SGO1: variants seen among roughly 807,000 people sequenced by gnomAD.
SGO1 encodes serologically defined breast cancer antigen NY-BR-85.
A neutral mutation model predicts 50.5 loss-of-function variants in SGO1; 39 were observed. That is an observed-to-expected ratio of 0.77 (90% CI 0.60 to 1.01). SGO1 has a LOEUF of 1.01. Among genes scored for constraint, SGO1 ranks in the 50% least tolerant of loss-of-function variants. The pLI, the probability that SGO1 is intolerant of heterozygous loss-of-function variation, is 0.00. For missense variants in SGO1, 638 were observed against 606.0 expected (o/e 1.05, Z -0.55); for synonymous variants, 191 against 205.1 (o/e 0.93, Z 0.59).
intron 3 of SGO1, among the ~76,000 whole-genome samples, chr3:20,180,966 C>G (rs1559371576): frequency 2.6e-5 from 4 of 152,064 alleles, no homozygotes; most frequent in South Asian, 4.1e-4. Context: ...GTCTCTACCC[C>G]CAACAAAAAA....
intron 6 of SGO1, among the ~76,000 whole-genome samples, chr3:20,173,351 G>A (rs1409021152): frequency 1.3e-5 from 2 of 152,002 alleles, no homozygotes; most frequent in Admixed American, 1.3e-4. Context: ...TGTTGGCCAG[G>A]CTGGTCTTGG....
intron 8 of SGO1, chr3:20,161,299 G>A: frequency 7.9e-6 from 11 of 1,389,138 alleles, no homozygotes; most frequent in East Asian, 2.8e-5. Flanking sequence ...TATTCAGAAG[G>A]AAAAATAAGT....
In SGO1 at chr3:20,170,089, C is replaced by A. The variant is rs1700557195; in HGVS notation, c.*615G>T. 1.0e-6 allele frequency: 1 copy of A among 985,280 alleles called. No individual in the cohort carries two copies. The highest frequency in any genetic ancestry group is 4.7e-5 in the South Asian group (1 of 21,292). 61.0% of individuals were successfully genotyped at this position (985,280 alleles called of 1,614,324 possible). On this transcript the variant is annotated 3_prime_UTR_variant, in exon 8 of 8. Coordinates refer to ENST00000412997, the MANE Select transcript of SGO1 (RefSeq NM_001199251.3). ...AGATCTTATTTGAGTAATCATTATT[C>A]ATTTCTACAATGTTTGTATAAGATA...
intron 8 of SGO1, among the ~76,000 whole-genome samples, chr3:20,161,980 A>G (rs867718425): frequency 4.6e-5 from 7 of 152,332 alleles, no homozygotes; most frequent in Middle Eastern, 6.8e-3. Flanking sequence ...TGTTCTTCCT[A>G]TATTTCTTCC....
chr3:20,162,839 T>C (rs546577155), intron 8 of SGO1, among the ~76,000 whole-genome samples: 5 of 150,034 alleles, frequency 3.3e-5, no homozygotes, highest in Admixed American at 3.3e-4. Context: ...AAAAATACAC[T>C]GGATAGGATT....
downstream of SGO1, chr3:20,168,934 G>A: frequency 1.0e-6 from 1 of 985,020 alleles, no homozygotes; most frequent in Non-Finnish European, 1.2e-6. Flanking sequence ...CTCGTGCCTG[G>A]CTGAGAAACT....
chr3:20,178,454 C>T (rs1190277086), intron 3 of SGO1, 107 bp from the exon 4 acceptor site: 1 of 805,280 alleles, frequency 1.2e-6, no homozygotes, highest in African/African-American at 1.7e-5. Flanking sequence ...GGTGCCATGC[C>T]ATGGTTCTAG....
downstream of SGO1, chr3:20,168,788 G>A (rs1575186605): frequency 4.3e-6 from 1 of 229,898 alleles, no homozygotes; most frequent in Non-Finnish European, 7.2e-6. Flanking sequence ...GACTACAGGC[G>A]CCTGGCTAAT....
At chr3:20,184,806 A>G (rs1702435383) in intron 1 of SGO1, among the ~76,000 whole-genome samples, 1 of 136,224 alleles carries the variant, frequency 7.3e-6, no homozygotes, top group Non-Finnish European at 1.5e-5. Context: ...TTAAATACAT[A>G]ACTATACTTA....
At chr3:20,175,149 C>G in intron 5 of SGO1, 94 bp from the exon 6 acceptor site, 2 of 1,247,688 alleles carry the variant, frequency 1.6e-6, no homozygotes, top group Non-Finnish European at 2.1e-6. Context: ...AAGTGAATGA[C>G]CAAAAGGTCA....
chr3:20,161,337 A>C, intron 8 of SGO1: 1 of 1,388,248 alleles, frequency 7.2e-7, no homozygotes, highest in Non-Finnish European at 9.4e-7. Flanking sequence ...CACAATAAAA[A>C]ATTAGAAAAT....
At chr3:20,168,267 C>T (rs1700405519), downstream of SGO1, among the ~76,000 whole-genome samples, 2 of 152,026 alleles carry the variant, frequency 1.3e-5, no homozygotes, top group Admixed American at 1.3e-4. Context: ...GTAAAGTACT[C>T]AATGGTCTAG....
downstream of SGO1, among the ~76,000 whole-genome samples, chr3:20,166,432 A>G (rs561141826): frequency 6.6e-6 from 1 of 152,314 alleles, no homozygotes; most frequent in African/African-American, 2.4e-5. Flanking sequence ...GATACATGCT[A>G]TAACATGGAT....
downstream of SGO1, among the ~76,000 whole-genome samples, chr3:20,165,647 A>T (rs1244693744): frequency 6.6e-6 from 1 of 152,206 alleles, no homozygotes; most frequent in Non-Finnish European, 1.5e-5. Flanking sequence ...ATTTGTTTCC[A>T]CAGAGCAAAA....
In SGO1 at chr3:20,169,834, TTAAATA is replaced by T; in HGVS notation, c.*864_*869del. On this transcript the variant is annotated 3_prime_UTR_variant, in exon 8 of 8. Transcript: ENST00000412997. ...TCCCATACATATTTTATCTGAAAAA[TTAAATA>T]TAACAGTGGTATAAGGAATTCATAA... is the stretch of plus-strand genomic sequence containing the variant. 2.0e-6 allele frequency: 2 copies of T among 976,452 alleles called. No individual in the cohort carries two copies. Among genetic ancestry groups the T allele is most frequent in the Non-Finnish European group, 2.4e-6 (2 of 821,770 alleles). 60.5% of individuals were successfully genotyped at this position (976,452 alleles called of 1,614,324 possible).
At chr3:20,168,822 G>C (rs931705602), downstream of SGO1, 6 of 379,816 alleles carry the variant, frequency 1.6e-5, no homozygotes, top group African/African-American at 8.8e-5. Flanking sequence ...AGTAGAGACG[G>C]GGTTTCACCG....
At position 20,171,223 on chromosome 3, in the gene SGO1, G is replaced by C; in HGVS notation, c.1292C>G (p.Pro431Arg). 4 of 1,571,974 alleles carry C rather than the reference G, an allele frequency of 2.5e-6. No homozygotes were observed. The highest frequency in any genetic ancestry group is 3.4e-6 in the Non-Finnish European group (4 of 1,166,472). Residue 431 changes from proline (P) to arginine (R), a missense_variant, in exon 7 of 8, where the codon CCT (proline) becomes CGT (arginine). Coordinates refer to ENST00000412997, the MANE Select transcript of SGO1 (RefSeq NM_001199251.3). ...AAGATGAGGTGACTGCTGAGTTTCAGGTGGTGTAGCTACAAAACAATTTTT... is the reference window on the plus strand; with the variant it reads ...AAGATGAGGTGACTGCTGAGTTTCACGTGGTGTAGCTACAAAACAATTTTT... ...KPTKTPTTTP[P>R]ETQQSPHLSL...
In SGO1 at chr3:20,183,816, TA is replaced by T. The variant is rs781439432; in HGVS notation, c.143-13del. The T allele has an allele frequency of 1.2e-6, 2 of 1,600,460 alleles. No homozygotes were observed. Among genetic ancestry groups the T allele is most frequent in the African/African-American group, 2.7e-5 (2 of 73,784 alleles). ...TGTAGAAGTGTTGGCTAAAAGAGGA[TA>T]AAAAAATTTATCAGTTATTAAATCT... On this transcript the variant is annotated splice_polypyrimidine_tract_variant and intron_variant, in intron 2 of 7. Transcript: ENST00000412997.
chr3:20,181,909 C>G (rs1357731602), intron 3 of SGO1, among the ~76,000 whole-genome samples: 1 of 151,838 alleles, frequency 6.6e-6, no homozygotes, highest in Non-Finnish European at 1.5e-5. Flanking sequence ...ATGGCGAAAC[C>G]CTGTCTCTAC....
Sources: gnomAD v4.1 joint callset for allele counts (sites outside exome capture counted in the v4.1 genomes callset) on GRCh38, gnomAD v4.1.1 for gene constraint, MANE v1.5 for transcripts, NCBI Gene and HGNC (gene_info 2026-07-23, HGNC 2026-07-21) for gene names.